KIF1A: variants seen among roughly 807,000 people sequenced by gnomAD.
KIF1A encodes the protein kinesin-like protein KIF1A.
Under a neutral mutation model 227.3 loss-of-function variants are expected in KIF1A, and 46 were observed. The observed-to-expected ratio is 0.20, with a 90% CI of 0.16 to 0.26. KIF1A has a LOEUF of 0.26. Among genes scored for constraint, KIF1A ranks in the 10% least tolerant of loss-of-function variants. KIF1A has a pLI of 1.00. For synonymous variants in KIF1A, 1,022 were observed against 1,012.8 expected (o/e 1.01, Z -0.17); for missense variants, 1,683 against 2,485.9 (o/e 0.68, Z 6.87).
intron 1 of KIF1A, chr2:240,798,086 G>A (rs1172991087): frequency 4.2e-6 from 1 of 237,392 alleles, no homozygotes; most frequent in East Asian, 9.9e-5. Context: ...TGAACGTGAA[G>A]GTGGCCTTCA....
At chr2:240,724,333 A>G (rs2045740403) in intron 40 of KIF1A, 1 of 472,480 alleles carries the variant, frequency 2.1e-6, no homozygotes, top group East Asian at 4.1e-5. Context: ...TACAGGCAAC[A>G]TGAGCACAGC....
At chr2:240,810,747 A>G (rs1242215826) in intron 1 of KIF1A, among the ~76,000 whole-genome samples, 2 of 152,212 alleles carry the variant, frequency 1.3e-5, no homozygotes, top group African/African-American at 2.4e-5. Context: ...ATGACACTCC[A>G]GGAGCGATCA....
intron 29 of KIF1A, among the ~76,000 whole-genome samples, chr2:240,746,889 G>A (rs1335685787): frequency 6.6e-6 from 1 of 152,176 alleles, no homozygotes; most frequent in Non-Finnish European, 1.5e-5. Flanking sequence ...CCGTACTGTG[G>A]GGACCCAGAG....
intron 48 of KIF1A, 36 bp downstream of exon 48, chr2:240,718,014 C>G (rs1328831954): frequency 1.1e-5 from 16 of 1,406,644 alleles, no homozygotes; most frequent in Non-Finnish European, 1.5e-5. Context: ...GGGCAGGACC[C>G]CCATGGCAGC....
intron 14 of KIF1A, among the ~76,000 whole-genome samples, chr2:240,772,127 C>T (rs2052087932): frequency 6.6e-6 from 1 of 152,112 alleles, no homozygotes; most frequent in African/African-American, 2.4e-5. Flanking sequence ...GGGGTCAGGT[C>T]AGCTGGAGAA....
chr2:240,757,728 T>G lies in KIF1A; in HGVS notation c.2583-134A>C. 1 of 864,402 alleles carries G rather than the reference T, an allele frequency of 1.2e-6. No individual in the cohort carries two copies. The highest frequency in any genetic ancestry group is 1.8e-6 in the Non-Finnish European group (1 of 567,922). The allele number at this position is 864,402 out of a possible 1,614,324, so 53.5% of individuals were successfully genotyped here. ...ACACAGACCATCGAGAATGCTGCTT[T>G]AAAAGATGAGAGAACCAAAACTGTG... On this transcript the variant is annotated intron_variant, in intron 26 of 48. Coordinates refer to ENST00000498729, the MANE Select transcript of KIF1A (RefSeq NM_001244008.2). This position sits in a 1 kb window ranked among gnomAD's most constrained non-coding sequence, Gnocchi z 6.2.
At position 240,725,117 on chromosome 2, in the gene KIF1A, G is replaced by A. The variant is rs547499411; in HGVS notation, c.4256+154C>T. Among the ~76,000 whole-genome samples, 71 of 152,190 alleles carry A rather than the reference G, an allele frequency of 4.7e-4. 1 individual carries two copies. The Middle Eastern group carries it at 0.01, about 22-fold the overall frequency. Reference sequence around the variant, plus strand: ...AGTCTTCATCTAGGGTGAGCAGGAGGGGACTGAGCGCAGGGAGCCAGCCAG... The same window carrying A: ...AGTCTTCATCTAGGGTGAGCAGGAGAGGACTGAGCGCAGGGAGCCAGCCAG... On this transcript the variant is annotated intron_variant, in intron 40 of 48. Coordinates refer to ENST00000498729, the MANE Select transcript of KIF1A (RefSeq NM_001244008.2). This position sits in a 1 kb window ranked among gnomAD's most constrained non-coding sequence, Gnocchi z 5.8.
At position 240,763,344 on chromosome 2, in the gene KIF1A, T is replaced by A; in HGVS notation, c.1771A>T (p.Asn591Tyr). Residue 591 changes from asparagine (N) to tyrosine (Y), a missense_variant and splice_region_variant, in exon 21 of 49, where the codon AAC becomes TAC. Around this residue, in one of 12 missense-constraint regions of KIF1A, gnomAD observed 217 missense variants for 427.0 expected, o/e 0.51. Transcript: ENST00000498729. The stretch of plus-strand genomic sequence containing the variant: ...TGGCTCTTACCCATGATGATGCGGT[T>A]TCCTGGGGAACAGAGGGACAGGTGG... ...VTEPSILRSG[N>Y]RIIMGKSHVF... 1 of 1,572,904 alleles carries A rather than the reference T, an allele frequency of 6.4e-7. No homozygotes were observed. The highest frequency in any genetic ancestry group is 2.4e-5 in the East Asian group (1 of 42,472).
In KIF1A at chr2:240,723,575, G is replaced by C. The variant is rs757801405; in HGVS notation, c.4319-17C>G. 2 of 1,525,420 alleles carry C rather than the reference G, an allele frequency of 1.3e-6. No individual in the cohort carries two copies. The highest frequency in any genetic ancestry group is 1.8e-6 in the Non-Finnish European group (2 of 1,128,950). The allele number at this position is 1,525,420 out of a possible 1,614,324, so 94.5% of individuals were successfully genotyped here. On this transcript the variant is annotated splice_polypyrimidine_tract_variant and intron_variant, in intron 41 of 48. Coordinates refer to ENST00000498729, the MANE Select transcript of KIF1A (RefSeq NM_001244008.2). Reference sequence around the variant, plus strand: ...GCTGCATCCCTGCATGGGGCACGTGGACATTCCACCCCTACCTGATGGGTG... The same window carrying C: ...GCTGCATCCCTGCATGGGGCACGTGCACATTCCACCCCTACCTGATGGGTG...
At chr2:240,798,622 G>A (rs1179984261) in intron 1 of KIF1A, among the ~76,000 whole-genome samples, 1 of 152,166 alleles carries the variant, frequency 6.6e-6, no homozygotes, top group Non-Finnish European at 1.5e-5. Context: ...GGCCTCTCGG[G>A]TACTGGGACT....
At position 240,720,993 on chromosome 2, in the gene KIF1A, G is replaced by T. The variant is rs2045297930; in HGVS notation, c.4789C>A (p.Pro1597Thr). 1.2e-6 allele frequency: 2 copies of T among 1,610,514 alleles called. No individual in the cohort carries two copies. Among genetic ancestry groups the T allele is most frequent in the Non-Finnish European group, 1.7e-6 (2 of 1,178,954 alleles). Reference sequence around the variant, plus strand: ...GGGGTGAGAGTGGCCACCCCTAGAGGGGACATCGACGGGTCCCGGAGCAGG... The same window carrying T: ...GGGGTGAGAGTGGCCACCCCTAGAGTGGACATCGACGGGTCCCGGAGCAGG... ...VTLLRDPSMS[P>T]LGVATLTPSS... The change falls in exon 45 of 49, where the codon CCT becomes ACT. Residue 1597 changes from proline (P) to threonine (T), a missense_variant. Physicochemically the swap from Pro to Thr is conservative, Grantham distance 38. This residue lies in a region of KIF1A where 384 missense variants were observed against 410.1 expected (regional missense o/e 0.94). Coordinates refer to ENST00000498729, the MANE Select transcript of KIF1A (RefSeq NM_001244008.2).
chr2:240,786,729 GGGGCTGCCTGCTGGGCCCCT>G (rs2054876176), intron 5 of KIF1A, among the ~76,000 whole-genome samples: 3 of 145,118 alleles, frequency 2.1e-5, no homozygotes, highest in African/African-American at 5.6e-5. Flanking sequence ...TGAGGGGGTG[GGGGCTGCCTGCTGGGCCCCT>G]GAGTGAGAGG....
In KIF1A at chr2:240,786,765, G is replaced by GGCT. The variant is rs1559530019; in HGVS notation, c.430-253_430-252insAGC. On this transcript the variant is annotated intron_variant, in intron 5 of 48. Transcript: ENST00000498729. Reference sequence around the variant, plus strand: ...CTGGGCCCCTGAGTGAGAGGGTAGGGGCCACCATCAGGACCCCTGAGTGAG... The same window carrying GGCT: ...CTGGGCCCCTGAGTGAGAGGGTAGGGGCTGCCACCATCAGGACCCCTGAGTGAG... Among the ~76,000 whole-genome samples, 163 of 117,716 alleles carry GGCT rather than the reference G, an allele frequency of 1.4e-3. 4 individuals are homozygous for GGCT. Among genetic ancestry groups the GGCT allele is most frequent in the African/African-American group, 5.1e-3 (145 of 28,396 alleles). The allele number at this position is 117,716 out of a possible 152,430, so 77.2% of individuals were successfully genotyped here.
intron 1 of KIF1A, among the ~76,000 whole-genome samples, chr2:240,810,564 C>A (rs1204094380): frequency 2.0e-5 from 3 of 152,118 alleles, no homozygotes; most frequent in Non-Finnish European, 4.4e-5. Flanking sequence ...AGTAGAGATG[C>A]TATACATATT....
At position 240,775,988 on chromosome 2, in the gene KIF1A, G is replaced by A; in HGVS notation, c.883-62C>T. 2 of 1,117,838 alleles carry A rather than the reference G, an allele frequency of 1.8e-6. No individual in the cohort carries two copies. Among genetic ancestry groups the A allele is most frequent in the Non-Finnish European group, 2.7e-6 (2 of 734,136 alleles). The allele number at this position is 1,117,838 out of a possible 1,614,324, so 69.2% of individuals were successfully genotyped here. A position where few individuals can be genotyped will look rare whatever the true frequency, so the allele number is the denominator to read the frequency against. On this transcript the variant is annotated intron_variant, in intron 10 of 48. Transcript: ENST00000498729. This position sits in a 1 kb window ranked among gnomAD's most constrained non-coding sequence, Gnocchi z 5.5. ...CACTGCAGAGGAAGCGAAAGGGAGG[G>A]GCCAGCGCAGGCCCTGCCAAGTGGG...
intron 14 of KIF1A, chr2:240,771,408 C>A: frequency 2.2e-6 from 1 of 446,220 alleles, no homozygotes. Context: ...GCCTGCCCCC[C>A]AGGCCTGCCC....
chr2:240,730,896 G>A (rs571247220), intron 38 of KIF1A, among the ~76,000 whole-genome samples: 5 of 152,274 alleles, frequency 3.3e-5, no homozygotes, highest in African/African-American at 9.6e-5. Context: ...CCTGAGGGCC[G>A]CAGCATGAGC....
At chr2:240,777,188 C>T (rs1003971400) in intron 10 of KIF1A, among the ~76,000 whole-genome samples, 1 of 152,056 alleles carries the variant, frequency 6.6e-6, no homozygotes, top group Non-Finnish European at 1.5e-5. Flanking sequence ...GGACTACAGG[C>T]GTGTGCCACC....
At position 240,790,587 on chromosome 2, in the gene KIF1A, A is replaced by G. The variant is rs2055544025; in HGVS notation, c.107-1275T>C. ...TTCATATTTTGAAGCCTTTACCCCC[A>G]GTATCTCAGAATGGGACCTCATTTG... is the stretch of plus-strand genomic sequence containing the variant. On this transcript the variant is annotated intron_variant, in intron 2 of 48. Transcript: ENST00000498729. The surrounding 1 kb of genome is among the most constrained non-coding windows in gnomAD (Gnocchi z 5.0). 6.6e-6 allele frequency among the ~76,000 whole-genome samples: 1 copy of G among 151,962 alleles called. No individual in the cohort carries two copies. The highest frequency in any genetic ancestry group is 2.1e-4 in the South Asian group (1 of 4,804).
Sources: allele counts gnomAD v4.1 joint callset (sites outside exome capture counted in the v4.1 genomes callset), GRCh38; gene constraint gnomAD v4.1.1; regional missense constraint gnomAD v4.1.1; non-coding constraint Gnocchi (gnomAD v3.1); transcripts MANE v1.5; gene names NCBI Gene and HGNC (gene_info 2026-07-23, HGNC 2026-07-21).